Variants in SAE1 observed in about 807,000 individuals in gnomAD.
The protein encoded by SAE1 is SUMO1 activating enzyme subunit 1.
SAE1 carries 11 observed loss-of-function variants against 40.6 expected under a neutral mutation model. That is an observed-to-expected ratio of 0.27 (90% CI 0.17 to 0.45). SAE1 has a LOEUF of 0.45. Among genes scored for constraint, SAE1 ranks in the 20% least tolerant of loss-of-function variants. The probability of loss-of-function intolerance (pLI) is 1.00; values close to 1 mark genes in which losing one functional copy is unlikely to be tolerated. For synonymous variants in SAE1, 155 were observed against 154.3 expected (o/e 1.00, Z -0.03); for missense variants, 373 against 427.3 (o/e 0.87, Z 1.12).
At chr19:47,181,780 C>CTTTTTT (rs36107839) in intron 6 of SAE1, among the ~76,000 whole-genome samples, 13 of 96,488 alleles carry the variant, frequency 1.3e-4, no homozygotes, top group Non-Finnish European at 1.9e-4. Flanking sequence ...CACCTGGCCT[C>CTTTTTT]TTTTTTTTTT....
chr19:47,177,247 A>G (rs2058474911), intron 6 of SAE1, among the ~76,000 whole-genome samples: 1 of 152,262 alleles, frequency 6.6e-6, no homozygotes, highest in South Asian at 2.1e-4. Context: ...AGGAAGAGGA[A>G]TAGAATAAGT....
chr19:47,138,474 A>G (rs972465181), intron 1 of SAE1, among the ~76,000 whole-genome samples: 1 of 152,220 alleles, frequency 6.6e-6, no homozygotes, highest in Non-Finnish European at 1.5e-5. Context: ...TGCTTGGCAC[A>G]TAGTAAGTGT....
At chr19:47,168,282 CAT>C (rs753776646) in intron 5 of SAE1, among the ~76,000 whole-genome samples, 3 of 152,132 alleles carry the variant, frequency 2.0e-5, no homozygotes, top group Non-Finnish European at 4.4e-5. Flanking sequence ...CATGATGCCA[CAT>C]GTGTCATTTC....
intron 2 of SAE1, among the ~76,000 whole-genome samples, chr19:47,149,477 G>A (rs1303486431): frequency 6.6e-6 from 1 of 151,910 alleles, no homozygotes; most frequent in African/African-American, 2.4e-5. Flanking sequence ...TGCCCACACT[G>A]GTCTAGTTTT....
chr19:47,143,652 C>A, intron 2 of SAE1, 47 bp downstream of exon 2: 1 of 1,408,016 alleles, frequency 7.1e-7, no homozygotes, highest in Non-Finnish European at 1.0e-6. Context: ...CTCCCCTTTC[C>A]AGCATGAAGA....
At chr19:47,156,282 A>G (rs1466384376) in intron 5 of SAE1, among the ~76,000 whole-genome samples, 2 of 150,724 alleles carry the variant, frequency 1.3e-5, no homozygotes, top group Admixed American at 6.6e-5. Flanking sequence ...AAAAAAAAAA[A>G]GCAAAACAAA....
intron 1 of SAE1, among the ~76,000 whole-genome samples, chr19:47,138,137 G>A (rs374394198): frequency 6.6e-6 from 1 of 152,158 alleles, no homozygotes; most frequent in Admixed American, 6.6e-5. Flanking sequence ...TCTGCCTCCC[G>A]GGTTCAGGCA....
At chr19:47,162,086 A>AT (rs1291152688) in intron 5 of SAE1, among the ~76,000 whole-genome samples, 1 of 152,256 alleles carries the variant, frequency 6.6e-6, no homozygotes, top group Non-Finnish European at 1.5e-5. Flanking sequence ...TCTGTATTGC[A>AT]TAGCACAGAT....
intron 4 of SAE1, among the ~76,000 whole-genome samples, chr19:47,154,479 G>GTTTTTTT (rs1568590968): frequency 1.1e-5 from 1 of 91,706 alleles, no homozygotes; most frequent in African/African-American, 3.9e-5. Flanking sequence ...ATTAAGTTTG[G>GTTTTTTT]CTTTTTTTTT....
chr19:47,132,608 G>A (rs1482040366), intron 1 of SAE1, among the ~76,000 whole-genome samples: 5 of 151,724 alleles, frequency 3.3e-5, no homozygotes, highest in South Asian at 2.1e-4. Flanking sequence ...TAGCCTGGAC[G>A]CAGTGACTCA....
chr19:47,181,790 T>TTC (rs1400054835), intron 6 of SAE1, among the ~76,000 whole-genome samples: 4 of 149,086 alleles, frequency 2.7e-5, no homozygotes, highest in African/African-American at 9.8e-5. Flanking sequence ...CTTTTTTTTT[T>TTC]TTTTTTTTTT....
At chr19:47,153,814 G>A (rs1028015271) in intron 4 of SAE1, among the ~76,000 whole-genome samples, 7 of 151,954 alleles carry the variant, frequency 4.6e-5, no homozygotes, top group African/African-American at 9.7e-5. Flanking sequence ...TTTTTGAGAC[G>A]GAGTTTTGCT....
At chr19:47,134,432 T>C (rs1473938637) in intron 1 of SAE1, among the ~76,000 whole-genome samples, 1 of 151,902 alleles carries the variant, frequency 6.6e-6, no homozygotes, top group Non-Finnish European at 1.5e-5. Flanking sequence ...CATGAGGCAT[T>C]AACATTGGTG....
At chr19:47,159,989 C>T (rs575529384) in intron 5 of SAE1, among the ~76,000 whole-genome samples, 2 of 152,300 alleles carry the variant, frequency 1.3e-5, no homozygotes, top group African/African-American at 4.8e-5. Context: ...CCACAGCTTC[C>T]AGCCTGATTG....
chr19:47,176,828 G>T (rs982577891), intron 6 of SAE1, among the ~76,000 whole-genome samples: 2 of 152,164 alleles, frequency 1.3e-5, no homozygotes. Context: ...TGAGCAAAAG[G>T]TCTCTTCTTT....
intron 6 of SAE1, among the ~76,000 whole-genome samples, chr19:47,192,459 G>T (rs961725680): frequency 1.1e-4 from 17 of 152,028 alleles, no homozygotes; most frequent in Admixed American, 8.5e-4. Flanking sequence ...ATCTTGGCCA[G>T]GCTGGTCTTG....
At position 47,142,181 on chromosome 19, in the gene SAE1, C is replaced by T. The variant is rs891211714; in HGVS notation, c.99-1313C>T. Among the ~76,000 whole-genome samples, 19 of 151,788 alleles carry T rather than the reference C, an allele frequency of 1.3e-4. No homozygotes were observed. In the East Asian group the frequency reaches 3.1e-3, roughly 25 times the overall value. ...GGTGGATCACTTGAGGTCAGGGGTT[C>T]GAGACCAGCCTGAACAACATGGTGA... On this transcript the variant is annotated intron_variant, in intron 1 of 8. Transcript: ENST00000270225.
intron 1 of SAE1, among the ~76,000 whole-genome samples, chr19:47,133,631 TTGG>T (rs1271961597): frequency 6.6e-6 from 1 of 152,110 alleles, no homozygotes; most frequent in East Asian, 1.9e-4. Flanking sequence ...GATAAAAATA[TTGG>T]TGGCTTGAAA....
At chr19:47,178,314 C>G (rs760929705) in intron 6 of SAE1, among the ~76,000 whole-genome samples, 1 of 152,078 alleles carries the variant, frequency 6.6e-6, no homozygotes, top group Non-Finnish European at 1.5e-5. Flanking sequence ...TGCGGAGTGC[C>G]TGCTTGTAGC....
Sources: gnomAD v4.1 joint callset for allele counts (sites outside exome capture counted in the v4.1 genomes callset) on GRCh38, gnomAD v4.1.1 for gene constraint, MANE v1.5 for transcripts, NCBI Gene and HGNC (gene_info 2026-07-23, HGNC 2026-07-21) for gene names.